Variants in CSMD1 observed in about 807,000 individuals in gnomAD.
CSMD1 encodes CUB and Sushi multiple domains 1.
CSMD1 carries 213 observed loss-of-function variants against 417.5 expected under a neutral mutation model. The ratio of observed to expected loss-of-function variants is 0.51; its 90% CI spans 0.46 to 0.57. CSMD1 has a LOEUF of 0.57. Among genes scored for constraint, CSMD1 ranks in the 20% least tolerant of loss-of-function variants. The pLI, the probability that CSMD1 is intolerant of heterozygous loss-of-function variation, is 0.00. For missense variants in CSMD1, 6,923 were observed against 4,529.7 expected, an observed-to-expected ratio of 1.53 and a Z score of -15.17; for synonymous variants, 2,862 against 1,736.8, an observed-to-expected ratio of 1.65 and a Z score of -16.11.
chr8:3,573,576 A>G (rs1023571099), intron 10 of CSMD1, among the ~76,000 whole-genome samples: 2 of 152,168 alleles, frequency 1.3e-5, no homozygotes, highest in South Asian at 4.1e-4. Context: ...AATAACTGAG[A>G]TTTTAGAACT....
chr8:4,453,814 C>CTTTTTTTT lies in CSMD1; in HGVS notation c.303-33757_303-33750dup, dbSNP rs60422486. 1.4e-3 allele frequency among the ~76,000 whole-genome samples: 97 copies of CTTTTTTTT among 67,742 alleles called. 3 individuals carry two copies. The highest frequency in any genetic ancestry group is 1.9e-3 in the African/African-American group (34 of 17,438). The allele number at this position is 67,742 out of a possible 152,430, so 44.4% of individuals were successfully genotyped here. On this transcript the variant is annotated intron_variant, in intron 2 of 69. Transcript: ENST00000635120. ...CCGAACAAGATTGCGCAATTCGTTT[C>CTTTTTTTT]TTTTTTTTTTTTTTTTTTTTTTTTT...
At position 4,430,993 on chromosome 8, in the gene CSMD1, G is replaced by A. The variant is rs188066250; in HGVS notation, c.303-10928C>T. Among the ~76,000 whole-genome samples, 35 of 152,122 alleles carry A rather than the reference G, an allele frequency of 2.3e-4. No individual in the cohort carries two copies. In the East Asian group the frequency reaches 6.0e-3, roughly 26 times the overall value. On this transcript the variant is annotated intron_variant, in intron 2 of 69. Coordinates refer to ENST00000635120, the MANE Select transcript of CSMD1 (RefSeq NM_033225.6). ...TTCAATCTTTTCTCCCCTCAGTTAT[G>A]CCACTTTTCTCTGGAAAGACTTCGC... is the stretch of plus-strand genomic sequence containing the variant.
At chr8:4,048,449 C>A (rs1020946797) in intron 3 of CSMD1, among the ~76,000 whole-genome samples, 4 of 152,172 alleles carry the variant, frequency 2.6e-5, no homozygotes, top group African/African-American at 7.2e-5. Context: ...ATTTTCCCAA[C>A]AAGATTCTGC....
intron 26 of CSMD1, among the ~76,000 whole-genome samples, chr8:3,271,564 A>C (rs1043915422): frequency 2.0e-5 from 3 of 151,252 alleles, no homozygotes; most frequent in South Asian, 2.1e-4. Flanking sequence ...AAGTGTTCCT[A>C]TTTCTCCACA....
rs182408398 is a variant in CSMD1, at chr8:4,795,735, C to T, written c.86-158177G>A. ...CGGAGAGGCATCCTGACAGGTCCTC[C>T]AGGGCTCTTGTCAGTTACCTCCGTA... On this transcript the variant is annotated intron_variant, in intron 1 of 69. Coordinates refer to ENST00000635120, the MANE Select transcript of CSMD1 (RefSeq NM_033225.6). Among the ~76,000 whole-genome samples, 8 of 152,232 alleles carry T rather than the reference C, an allele frequency of 5.3e-5. No homozygotes were observed. In the East Asian group the frequency reaches 1.5e-3, roughly 29 times the overall value.
At chr8:2,954,883 TAAATAGGCTCCAGG>T (rs1255257886) in intron 64 of CSMD1, among the ~76,000 whole-genome samples, 1 of 152,212 alleles carries the variant, frequency 6.6e-6, no homozygotes, top group Admixed American at 6.5e-5. Context: ...ATGAGAACTA[TAAATAGGCTCCAGG>T]AAACAAAACC....
At chr8:4,969,766 G>A (rs964360634) in intron 1 of CSMD1, among the ~76,000 whole-genome samples, 1 of 152,004 alleles carries the variant, frequency 6.6e-6, no homozygotes, top group Non-Finnish European at 1.5e-5. Flanking sequence ...TTCCTGAGAA[G>A]ACAATGAGGC....
chr8:3,941,492 G>A (rs1031873769), intron 5 of CSMD1, among the ~76,000 whole-genome samples: 2 of 152,110 alleles, frequency 1.3e-5, no homozygotes, highest in African/African-American at 4.8e-5. Context: ...CAAGGTATCT[G>A]AATAAAAGGA....
chr8:3,968,390 G>C (rs572973128), intron 5 of CSMD1, among the ~76,000 whole-genome samples: 1 of 152,108 alleles, frequency 6.6e-6, no homozygotes, highest in Non-Finnish European at 1.5e-5. Context: ...TGTGGTCACT[G>C]AGCACGGCTC....
chr8:3,473,958 A>G (rs1487981899), intron 11 of CSMD1, among the ~76,000 whole-genome samples: 1 of 152,146 alleles, frequency 6.6e-6, no homozygotes, highest in Non-Finnish European at 1.5e-5. Flanking sequence ...AGGAAATGTC[A>G]AACATAAAAC....
At chr8:3,460,037 G>C (rs1202846473) in intron 12 of CSMD1, among the ~76,000 whole-genome samples, 1 of 152,154 alleles carries the variant, frequency 6.6e-6, no homozygotes, top group East Asian at 1.9e-4. Flanking sequence ...CAGCTGCACA[G>C]GTGTGGGGCA....
At chr8:4,692,656 T>A (rs949205395) in intron 1 of CSMD1, among the ~76,000 whole-genome samples, 1 of 152,180 alleles carries the variant, frequency 6.6e-6, no homozygotes, top group African/African-American at 2.4e-5. Context: ...ACTGACCAAC[T>A]GTCCTGGTTT....
chr8:4,834,109 T>A (rs1432454875), intron 1 of CSMD1, among the ~76,000 whole-genome samples: 1 of 152,216 alleles, frequency 6.6e-6, no homozygotes, highest in African/African-American at 2.4e-5. Flanking sequence ...TTCCTTTTGT[T>A]TCTTGTTACA....
intron 7 of CSMD1, among the ~76,000 whole-genome samples, chr8:3,680,379 C>G (rs1017340584): frequency 6.6e-6 from 1 of 152,118 alleles, no homozygotes; most frequent in African/African-American, 2.4e-5. Flanking sequence ...CACAGAAATA[C>G]AAACTACCAT....
chr8:4,017,611 C>G (rs977978542), intron 4 of CSMD1, among the ~76,000 whole-genome samples: 1 of 152,106 alleles, frequency 6.6e-6, no homozygotes, highest in Non-Finnish European at 1.5e-5. Flanking sequence ...CAGCTGCCAC[C>G]TCGTTTATAA....
intron 12 of CSMD1, among the ~76,000 whole-genome samples, chr8:3,442,318 C>A (rs1815036361): frequency 6.6e-6 from 1 of 152,104 alleles, no homozygotes; most frequent in Non-Finnish European, 1.5e-5. Context: ...AAGTCTACAG[C>A]AGTGTATGGT....
At chr8:3,732,264 A>G (rs1038708555) in intron 6 of CSMD1, among the ~76,000 whole-genome samples, 1 of 152,206 alleles carries the variant, frequency 6.6e-6, no homozygotes, top group African/African-American at 2.4e-5. Flanking sequence ...CTCGATACAA[A>G]GCTGCCCTCT....
At chr8:4,408,988 CG>C (rs1796497252) in intron 3 of CSMD1, among the ~76,000 whole-genome samples, 2 of 151,958 alleles carry the variant, frequency 1.3e-5, no homozygotes, top group African/African-American at 4.8e-5. Context: ...AATTCTTTGC[CG>C]ACTGATTTAA....
chr8:4,576,703 T>C (rs953940858), intron 2 of CSMD1, among the ~76,000 whole-genome samples: 1 of 152,198 alleles, frequency 6.6e-6, no homozygotes, highest in African/African-American at 2.4e-5. Context: ...GCTAGAAGTC[T>C]GATAATCTCT....
Sources: allele counts gnomAD v4.1 joint callset (sites outside exome capture counted in the v4.1 genomes callset), GRCh38; gene constraint gnomAD v4.1.1; transcripts MANE v1.5; gene names NCBI Gene and HGNC (gene_info 2026-07-23, HGNC 2026-07-21).